TET1: variants seen among roughly 807,000 people sequenced by gnomAD.
TET1 encodes methylcytosine dioxygenase TET1.
In TET1, 13 loss-of-function variants were observed where a neutral mutation model predicts 148.7. That is an observed-to-expected ratio of 0.09 (90% CI 0.06 to 0.14). The LOEUF is 0.14. Among genes scored for constraint, TET1 ranks in the 10% least tolerant of loss-of-function variants. The pLI, the probability that TET1 is intolerant of heterozygous loss-of-function variation, is 1.00. For synonymous variants in TET1, 907 were observed against 937.2 expected (o/e 0.97, Z 0.59); for missense variants, 2,182 against 2,553.8 (o/e 0.85, Z 3.14).
At position 68,573,900 on chromosome 10, in the gene TET1, G is replaced by C; in HGVS notation, c.1562G>C (p.Arg521Thr). The part of the protein sequence containing the change: ...NTQGFPLAPE[R>T]GLFHASLGIA... ...CAGGGGTTCCCATTAGCCCCTGAGA[G>C]AGGACTCTTCCATGCTTCACTGGGT... Residue 521 changes from arginine to threonine, a missense_variant, in exon 2 of 12, where the codon AGA becomes ACA. Physicochemically the swap from Arg to Thr is moderately conservative, Grantham distance 71 (BLOSUM62 -1). Around this residue, in one of 11 missense-constraint regions of TET1, gnomAD observed 665 missense variants for 672.4 expected, o/e 0.99. Coordinates refer to ENST00000373644, the MANE Select transcript of TET1 (RefSeq NM_030625.3). The C allele has an allele frequency of 1.2e-6, 2 of 1,614,182 alleles. No individual in the cohort carries two copies. Among genetic ancestry groups the C allele is most frequent in the Non-Finnish European group, 1.7e-6 (2 of 1,180,038 alleles).
At chr10:68,638,259 T>C (rs1358111511) in intron 3 of TET1, among the ~76,000 whole-genome samples, 1 of 152,168 alleles carries the variant, frequency 6.6e-6, no homozygotes, top group African/African-American at 2.4e-5. Context: ...CTCTGAGTTT[T>C]TTCCAAAAAC....
chr10:68,620,170 G>A (rs117512637), intron 3 of TET1, among the ~76,000 whole-genome samples: 1,526 of 152,292 alleles, frequency 0.01, 16 homozygotes, highest in Middle Eastern at 0.034. Flanking sequence ...GCGACAGAGC[G>A]AGACTTTGTC....
intron 2 of TET1, among the ~76,000 whole-genome samples, chr10:68,589,629 G>GC (rs1218744019): frequency 1.3e-5 from 2 of 148,582 alleles, no homozygotes; most frequent in African/African-American, 2.5e-5. Flanking sequence ...AGGTTCCAGT[G>GC]CCCCAAAATA....
At chr10:68,608,245 T>G (rs1011843396) in intron 3 of TET1, among the ~76,000 whole-genome samples, 12 of 150,142 alleles carry the variant, frequency 8.0e-5, no homozygotes, top group African/African-American at 2.7e-4. Flanking sequence ...TCCTATTTAT[T>G]TATTTATTGA....
At chr10:68,569,307 G>A (rs10998283) in intron 1 of TET1, among the ~76,000 whole-genome samples, 16,749 of 151,240 alleles carry the variant, frequency 0.11, 1,237 homozygotes, top group South Asian at 0.25. Flanking sequence ...CAAGTAGTTG[G>A]GACTACAGGT....
At chr10:68,615,622 A>T (rs1176732883) in intron 3 of TET1, among the ~76,000 whole-genome samples, 1 of 151,962 alleles carries the variant, frequency 6.6e-6, no homozygotes, top group African/African-American at 2.4e-5. Flanking sequence ...CTAGGATTAC[A>T]GGCATGAGCC....
chr10:68,561,520 C>G (rs1049778551), intron 1 of TET1, among the ~76,000 whole-genome samples: 1 of 152,164 alleles, frequency 6.6e-6, no homozygotes, highest in African/African-American at 2.4e-5. Flanking sequence ...CCCATCAGTC[C>G]CCGTCTGGCG....
Position 68,645,601 on chromosome 10 carries a change from T to A in TET1, c.2872T>A (p.Ser958Thr). 1.9e-6 allele frequency: 3 copies of A among 1,614,194 alleles called. No individual in the cohort carries two copies. The highest frequency in any genetic ancestry group is 2.5e-6 in the Non-Finnish European group (3 of 1,180,042). The change falls in exon 4 of 12, where the codon TCT becomes ACT. Residue 958 changes from serine (S) to threonine (T), a missense_variant. Around this residue, in one of 11 missense-constraint regions of TET1, gnomAD observed 582 missense variants for 599.5 expected, o/e 0.97. Transcript: ENST00000373644. Reference protein sequence around the residue: ...GEPPKLNHCPSLEKQSSCNTV... With the variant: ...GEPPKLNHCPTLEKQSSCNTV... ...GCCACCAAAACTTAATCACTGTCCA[T>A]CTTTGGAAAAACAAAGTTCATGCAA...
chr10:68,569,166 C>CTTTTTTTTTTTGTTTTT (rs2053639388), intron 1 of TET1, among the ~76,000 whole-genome samples: 1 of 69,766 alleles, frequency 1.4e-5, no homozygotes, highest in Non-Finnish European at 2.6e-5. Context: ...AGGAGAGTTT[C>CTTTTTTTTTTTGTTTTT]TTTTTTTTTT....
chr10:68,637,754 T>C (rs2054676067), intron 3 of TET1, among the ~76,000 whole-genome samples: 3 of 151,410 alleles, frequency 2.0e-5, no homozygotes, highest in South Asian at 2.1e-4. Flanking sequence ...CACCTGTAAT[T>C]CTAGCTACTC....
chr10:68,626,724 A>T (rs920466383), intron 3 of TET1, among the ~76,000 whole-genome samples: 2 of 147,998 alleles, frequency 1.4e-5, no homozygotes, highest in African/African-American at 5.0e-5. Flanking sequence ...CAATTTTTTT[A>T]TATTTTTGGT....
Position 68,572,689 on chromosome 10 carries a change from A to T in TET1, c.351A>T (p.Gln117His). 5 of 1,613,806 alleles carry T rather than the reference A, an allele frequency of 3.1e-6. No homozygotes were observed. The highest frequency in any genetic ancestry group is 4.2e-6 in the Non-Finnish European group (5 of 1,179,968). ...RSTSLSRRLS[Q>H]PPLVVAKSKK... ...CCTCTCTTAGCAGGCGACTCTCCCA[A>T]CCCCCACTGGTCGTAGCCAAATCCA... The change falls in exon 2 of 12, where the codon CAA becomes CAT. Residue 117 changes from glutamine to histidine, a missense_variant. Coordinates refer to ENST00000373644, the MANE Select transcript of TET1 (RefSeq NM_030625.3).
rs774541338 is a variant in TET1, at chr10:68,681,508, TTTTA to T, written c.4914+31_4914+34del. The T allele has an allele frequency of 6.5e-6, 10 of 1,535,166 alleles. No individual in the cohort carries two copies. The African/African-American group carries it at 1.2e-4, about 19-fold the overall frequency. On this transcript the variant is annotated intron_variant, in intron 9 of 11. Transcript: ENST00000373644. ...AATCAGGTATGTATTGGTATGAACTTTTTATTTATTTATTAATTTGAGGTGGGGT... is the reference window on the plus strand; with the variant it reads ...AATCAGGTATGTATTGGTATGAACTTTTTATTTATTAATTTGAGGTGGGGT...
intron 6 of TET1, among the ~76,000 whole-genome samples, chr10:68,661,890 T>C (rs1279442736): frequency 6.7e-6 from 1 of 149,766 alleles, no homozygotes; most frequent in Non-Finnish European, 1.5e-5. Context: ...CTTTTTTTTT[T>C]TTTTTTGTGA....
chr10:68,661,884 T>TTC (rs1332912996), intron 6 of TET1, among the ~76,000 whole-genome samples: 2 of 143,664 alleles, frequency 1.4e-5, no homozygotes, highest in African/African-American at 5.0e-5. Flanking sequence ...TTTTTTCTTT[T>TTC]TTTTTTTTTT....
At chr10:68,562,508 A>G (rs1045296189) in intron 1 of TET1, among the ~76,000 whole-genome samples, 3 of 152,092 alleles carry the variant, frequency 2.0e-5, no homozygotes, top group African/African-American at 7.2e-5. Context: ...CTTTTCCCCA[A>G]TTAAGGGATT....
chr10:68,610,114 T>C (rs1314642972), intron 3 of TET1, among the ~76,000 whole-genome samples: 1 of 152,084 alleles, frequency 6.6e-6, no homozygotes, highest in African/African-American at 2.4e-5. Flanking sequence ...ATACCCCATC[T>C]CTACTAAAAA....
At chr10:68,652,845 ATTTTTTTTTT>A (rs71019047) in intron 6 of TET1, among the ~76,000 whole-genome samples, 5 of 101,214 alleles carry the variant, frequency 4.9e-5, no homozygotes, top group African/African-American at 2.0e-4. Flanking sequence ...AACCCGGCTA[ATTTTTTTTTT>A]TTTTTTTTTT....
At chr10:68,638,536 T>C (rs1313620038) in intron 3 of TET1, among the ~76,000 whole-genome samples, 1 of 152,008 alleles carries the variant, frequency 6.6e-6, no homozygotes, top group African/African-American at 2.4e-5. Flanking sequence ...AGAGGGTTAT[T>C]AGGGAAAAAA....
Sources: gnomAD v4.1 joint callset for allele counts (sites outside exome capture counted in the v4.1 genomes callset) on GRCh38, gnomAD v4.1.1 for gene constraint, gnomAD v4.1.1 regional missense constraint, MANE v1.5 for transcripts, NCBI Gene and HGNC (gene_info 2026-07-23, HGNC 2026-07-21) for gene names.